OXA1L: variants seen among roughly 807,000 people sequenced by gnomAD.
OXA1L encodes the protein OXA1L mitochondrial inner membrane insertase, also known as mitochondrial inner membrane protein OXA1L.
Under a neutral mutation model 52.2 loss-of-function variants are expected in OXA1L, and 42 were observed. That is an observed-to-expected ratio of 0.80 (90% confidence interval 0.63 to 1.04). The LOEUF (loss-of-function observed/expected upper bound fraction) is 1.04. Among genes scored for constraint, OXA1L ranks in the 50% least tolerant of loss-of-function variants. The pLI is 0.00. For missense variants in OXA1L, 572 were observed against 555.0 expected (o/e 1.03, Z -0.31); for synonymous variants, 239 against 201.9 (o/e 1.18, Z -1.56).
In OXA1L at chr14:22,772,811, A is replaced by G. The variant is rs1051119144; in HGVS notation, c.*1253A>G. 3.8e-5 allele frequency: 6 copies of G among 158,888 alleles called. No homozygotes were observed. The highest frequency in any genetic ancestry group is 1.8e-4 in the Admixed American group (3 of 16,550). The allele number at this position is 158,888 out of a possible 1,614,324, so 9.8% of individuals were successfully genotyped here. A position where few individuals can be genotyped will look rare whatever the true frequency, so the allele number is the denominator to read the frequency against. Reference sequence around the variant, plus strand: ...CAGGAATTTGAGACCAGCCTGGGCAACATGGCGAGACCTTGTCTCTGCTAA... The same window carrying G: ...CAGGAATTTGAGACCAGCCTGGGCAGCATGGCGAGACCTTGTCTCTGCTAA... On this transcript the variant is annotated 3_prime_UTR_variant, in exon 10 of 10. Transcript: ENST00000612549.
At chr14:22,770,779 CTT>C in intron 6 of OXA1L, 24 bp from the exon 7 acceptor site, 1 of 1,606,340 alleles carries the variant, frequency 6.2e-7, no homozygotes, top group Non-Finnish European at 8.5e-7. Flanking sequence ...GCTTTCCCGA[CTT>C]TTCCACCCCA....
intron 9 of OXA1L, 26 bp downstream of exon 9, chr14:22,771,374 C>T: frequency 6.2e-7 from 1 of 1,613,794 alleles, no homozygotes; most frequent in Non-Finnish European, 8.5e-7. Flanking sequence ...AGGCCAAATT[C>T]TGTCTTTTGT....
rs1186334023 is a variant in OXA1L, at chr14:22,772,582, T to C, written c.*1024T>C. On this transcript the variant is annotated 3_prime_UTR_variant, in exon 10 of 10. Transcript: ENST00000612549. Reference sequence around the variant, plus strand: ...GCACATTTGGATTGCAGTCTAGAGGTGTGGCTGATAAGTTGAATGTTGAGA... The same window carrying C: ...GCACATTTGGATTGCAGTCTAGAGGCGTGGCTGATAAGTTGAATGTTGAGA... The C allele has an allele frequency of 1.3e-5, 2 of 148,580 alleles. No homozygotes were observed. Among genetic ancestry groups the C allele is most frequent in the Non-Finnish European group, 3.0e-5 (2 of 67,716 alleles). 9.2% of individuals were successfully genotyped at this position (148,580 alleles called of 1,614,324 possible).
In OXA1L at chr14:22,771,436, C is replaced by T; in HGVS notation, c.1186C>T (p.Pro396Ser). 2 of 1,614,162 alleles carry T rather than the reference C, an allele frequency of 1.2e-6. No homozygotes were observed. Among genetic ancestry groups the T allele is most frequent in the South Asian group, 1.1e-5 (1 of 91,084 alleles). The change falls in exon 10 of 10, where the codon CCT (proline) becomes TCT (serine). Residue 396 changes from proline to serine, a missense_variant and splice_region_variant. Pro to Ser is a moderately conservative substitution (Grantham distance 74). This residue lies in a region of OXA1L where 244 missense variants were observed against 240.2 expected (regional missense o/e 1.02). Transcript: ENST00000612549. ...RNQLELAARG[P>S]LRQTFTHNPL... ...TTTGTTTTCTCTTCTCCCCTCAGGTCCTTTACGACAGACCTTTACCCACAA... is the reference window on the plus strand; with the variant it reads ...TTTGTTTTCTCTTCTCCCCTCAGGTTCTTTACGACAGACCTTTACCCACAA...
intron 4 of OXA1L, 88 bp from the exon 5 acceptor site, chr14:22,770,105 A>G: frequency 7.4e-7 from 1 of 1,346,830 alleles, no homozygotes; most frequent in Non-Finnish European, 1.1e-6. Flanking sequence ...GGTTGGTTAG[A>G]AATTTCACAG....
chr14:22,771,594 C>T lies in OXA1L; in HGVS notation c.*36C>T, dbSNP rs2038466274. On this transcript the variant is annotated 3_prime_UTR_variant, in exon 10 of 10. Transcript: ENST00000612549. ...GTGCGCATTCTGGCAGGAATTCTGT[C>T]TCTTCAGAGACTCATCCTCAAAACA... 6.2e-7 allele frequency: 1 copy of T among 1,611,198 alleles called. No individual in the cohort carries two copies. The highest frequency in any genetic ancestry group is 1.7e-5 in the Admixed American group (1 of 59,990).
At chr14:22,767,073 C>T in intron 1 of OXA1L, 175 bp from the exon 2 acceptor site, 2 of 1,536,490 alleles carry the variant, frequency 1.3e-6, no homozygotes, top group Non-Finnish European at 1.7e-6. Flanking sequence ...GCTCTGCAGG[C>T]ACCACCCGCT....
chr14:22,770,001 G>A (rs1319251151), intron 4 of OXA1L, 67 bp downstream of exon 4: 2 of 1,578,352 alleles, frequency 1.3e-6, no homozygotes, highest in Non-Finnish European at 1.7e-6. Context: ...TTCTGCTGGG[G>A]GAAAGGAACA....
chr14:22,771,752 C>T lies in OXA1L; in HGVS notation c.*194C>T. 1.6e-6 allele frequency: 1 copy of T among 619,322 alleles called. No homozygotes were observed. The highest frequency in any genetic ancestry group is 4.4e-4 in the Middle Eastern group (1 of 2,262). The allele number at this position is 619,322 out of a possible 1,614,324, so 38.4% of individuals were successfully genotyped here. Reference sequence around the variant, plus strand: ...AGCACTGGGTAGCCAAGTGATCTTCCCATTCACAGAGTTAGTAAACCTCTG... The same window carrying T: ...AGCACTGGGTAGCCAAGTGATCTTCTCATTCACAGAGTTAGTAAACCTCTG... On this transcript the variant is annotated 3_prime_UTR_variant, in exon 10 of 10. Transcript: ENST00000612549.
At chr14:22,767,157 C>T (rs2038413920) in intron 1 of OXA1L, 91 bp from the exon 2 acceptor site, 4 of 1,546,998 alleles carry the variant, frequency 2.6e-6, no homozygotes, top group Non-Finnish European at 2.6e-6. Context: ...CTGCCTGCTT[C>T]TTGGGGAGTT....
intron 6 of OXA1L, 48 bp from the exon 7 acceptor site, chr14:22,770,757 C>T: frequency 6.3e-7 from 1 of 1,575,422 alleles, no homozygotes; most frequent in Non-Finnish European, 8.7e-7. Flanking sequence ...GACAGATTCA[C>T]TGAAACTGAC....
chr14:22,770,611 T>G lies in OXA1L; in HGVS notation c.820T>G (p.Trp274Gly). 1.2e-6 allele frequency: 2 copies of G among 1,611,876 alleles called. No homozygotes were observed. Among genetic ancestry groups the G allele is most frequent in the Non-Finnish European group, 1.7e-6 (2 of 1,178,184 alleles). Residue 274 changes from tryptophan to glycine, a missense_variant, in exon 6 of 10, where the codon TGG becomes GGG. By Grantham distance (184) the Trp-to-Gly change is radical (BLOSUM62 -2). Coordinates refer to ENST00000612549, the MANE Select transcript of OXA1L (RefSeq NM_005015.5). ...ACCACTGGCAGTCACTGCTACAATG[T>G]GGGCTGTTCTTGAGGTAAGCCCAGA... ...ILPLAVTATM[W>G]AVLELGAETG...
Position 22,769,904 on chromosome 14 carries a change from G to A in OXA1L, c.553G>A (p.Glu185Lys), listed in dbSNP as rs747372512. 1 of 1,614,176 alleles carries A rather than the reference G, an allele frequency of 6.2e-7. No homozygotes were observed. Among genetic ancestry groups the A allele is most frequent in the Non-Finnish European group, 8.5e-7 (1 of 1,180,036 alleles). ...CCAGAAGTTTTCCAGTCGAATCAGA[G>A]AGGCCAAGTTAGCAGGAGACCATAT... ...EIQKFSSRIR[E>K]AKLAGDHIEY... The change falls in exon 4 of 10, where the codon GAG (glutamate) becomes AAG (lysine). Residue 185 changes from glutamate (E) to lysine (K), a missense_variant. Glu to Lys is a moderately conservative substitution (Grantham distance 56). This residue lies in a region of OXA1L where 132 missense variants were observed against 124.0 expected (regional missense o/e 1.06). Transcript: ENST00000612549.
chr14:22,767,860 TAGAG>T (rs1438484364), intron 2 of OXA1L, 94 bp from the exon 3 acceptor site: 2 of 880,946 alleles, frequency 2.3e-6, no homozygotes, highest in African/African-American at 1.7e-5. Flanking sequence ...GAACAAGAAG[TAGAG>T]AGAACAGAAC....
At chr14:22,767,012 C>T (rs2038411641) in intron 1 of OXA1L, 2 of 1,535,556 alleles carry the variant, frequency 1.3e-6, no homozygotes, top group Non-Finnish European at 1.7e-6. Context: ...TCAGGGCCCT[C>T]CGATGTGGGT....
Position 22,769,814 on chromosome 14 carries a change from A to AT in OXA1L, c.468dup (p.Pro157SerfsTer38). ...AGGTACAGTCTTTGCCCGCTGCCTG[A>AT]TTTTTCCTCTCATCGTGACGGGCCA... is the stretch of plus-strand genomic sequence containing the variant. On this transcript the variant is annotated frameshift_variant, in exon 4 of 10. Coordinates refer to ENST00000612549, the MANE Select transcript of OXA1L (RefSeq NM_005015.5). LOFTEE classifies it high-confidence loss of function. The AT allele has an allele frequency of 6.2e-7, 1 of 1,614,094 alleles. No individual in the cohort carries two copies. Among genetic ancestry groups the AT allele is most frequent in the Non-Finnish European group, 8.5e-7 (1 of 1,180,026 alleles).
rs1306337257 is a variant in OXA1L at position 22,767,367 on chromosome 14, C to T, written c.183C>T (p.Pro61=). ...PHYLFLAASG[P]RSLSTSAISF... ...ACCTCTTCCTTGCGGCTTCCGGCCC[C>T]CGCAGCCTCAGTACCTCTGCTATCT... The change falls in exon 2 of 10, where the codon CCC becomes CCT. Residue 61 remains proline (P), a synonymous_variant. Transcript: ENST00000612549. 1.2e-6 allele frequency: 2 copies of T among 1,613,816 alleles called. No individual in the cohort carries two copies. The highest frequency in any genetic ancestry group is 2.2e-5 in the South Asian group (2 of 91,066).
chr14:22,770,227 G>GA lies in OXA1L; in HGVS notation c.624dup (p.His209ThrfsTer4), dbSNP rs749098584. 19 of 1,612,540 alleles carry GA rather than the reference G, an allele frequency of 1.2e-5. No individual in the cohort carries two copies. Among genetic ancestry groups the GA allele is most frequent in the Non-Finnish European group, 1.5e-5 (18 of 1,178,790 alleles). On this transcript the variant is annotated frameshift_variant, in exon 5 of 10. Transcript: ENST00000612549. LOFTEE classifies it high-confidence loss of function. ...CTTCCTCGGAGATGGCACTTTACCAGAAAAAACATGGTATTAAACTCTATA... is the reference window on the plus strand; with the variant it reads ...CTTCCTCGGAGATGGCACTTTACCAGAAAAAAACATGGTATTAAACTCTATA...
chr14:22,768,391 T>C (rs1459662089), intron 3 of OXA1L: 18 of 557,276 alleles, frequency 3.2e-5, no homozygotes. Flanking sequence ...AGTGTAGATA[T>C]TTGAATACAA....
Sources: allele counts gnomAD v4.1 joint callset, GRCh38; gene constraint gnomAD v4.1.1; regional missense constraint gnomAD v4.1.1; transcripts MANE v1.5; gene names NCBI Gene and HGNC (gene_info 2026-07-23, HGNC 2026-07-21).